MS4A1: variants seen among roughly 807,000 people sequenced by gnomAD.
The protein encoded by MS4A1 is B-lymphocyte antigen CD20.
MS4A1 carries 16 observed loss-of-function variants against 26.5 expected under a neutral mutation model. The observed-to-expected ratio is 0.60, with a 90% CI of 0.41 to 0.92. The LOEUF (loss-of-function observed/expected upper bound fraction) is 0.92. Among genes scored for constraint, MS4A1 ranks in the 40% least tolerant of loss-of-function variants. The probability of loss-of-function intolerance (pLI) is 0.00; values close to 1 mark genes in which losing one functional copy is unlikely to be tolerated. For missense variants in MS4A1, 350 were observed against 353.0 expected (o/e 0.99, Z 0.07); for synonymous variants, 128 against 117.6 (o/e 1.09, Z -0.57).
At chr11:60,465,633 TGAAGGAA>T in intron 5 of MS4A1, 1 of 374,866 alleles carries the variant, frequency 2.7e-6, no homozygotes, top group South Asian at 3.3e-5. Context: ...GCAGTGGCAG[TGAAGGAA>T]ATGCAAGGAT....
At chr11:60,463,333 AG>A (rs1218279204) in intron 4 of MS4A1, among the ~76,000 whole-genome samples, 1 of 152,210 alleles carries the variant, frequency 6.6e-6, no homozygotes, top group African/African-American at 2.4e-5. Flanking sequence ...ATTCAGAGAA[AG>A]GGGCCCTGCA....
chr11:60,466,031 GGA>G lies in MS4A1; in HGVS notation c.451_452del (p.Leu152GlufsTer4), dbSNP rs1422238785. ...NIKISHFLKM[E>X]SLNFIRAHTP... ...TTAAAATTTCCCATTTTTTAAAAATGGAGAGTCTGAATTTTATTAGAGCTCAC... is the reference window on the plus strand; with the variant it reads ...TTAAAATTTCCCATTTTTTAAAAATGGAGTCTGAATTTTATTAGAGCTCAC... On this transcript the variant is annotated frameshift_variant, in exon 6 of 8. Transcript: ENST00000345732. LOFTEE classifies it high-confidence loss of function. 1.9e-6 allele frequency: 3 copies of G among 1,613,354 alleles called. No individual in the cohort carries two copies. The highest frequency in any genetic ancestry group is 2.5e-6 in the Non-Finnish European group (3 of 1,179,534).
chr11:60,470,415 T>C lies in MS4A1; in HGVS notation c.*1947T>C, dbSNP rs199720149. On this transcript the variant is annotated 3_prime_UTR_variant, in exon 8 of 8. Transcript: ENST00000345732. ...TCTTATTTTTTCTCCTCTTCTGAAA[T>C]ATATATGAGGATTCCTCTCCAAACC... 6 of 152,060 alleles carry C rather than the reference T, an allele frequency of 3.9e-5. No individual in the cohort carries two copies. Among genetic ancestry groups the C allele is most frequent in the South Asian group, 2.1e-4 (1 of 4,826 alleles). 9.4% of individuals were successfully genotyped at this position (152,060 alleles called of 1,614,324 possible). A position where few individuals can be genotyped will look rare whatever the true frequency, so the allele number is the denominator to read the frequency against.
chr11:60,462,595 G>T (rs1190471205), intron 3 of MS4A1, 62 bp downstream of exon 3: 8 of 1,592,252 alleles, frequency 5.0e-6, no homozygotes, highest in Non-Finnish European at 6.9e-6. Context: ...AGCTGATGCG[G>T]TATAGGCCAC....
chr11:60,456,994 C>T (rs1202189466), intron 1 of MS4A1, among the ~76,000 whole-genome samples: 1 of 152,178 alleles, frequency 6.6e-6, no homozygotes, highest in Admixed American at 6.5e-5. Context: ...CTTAATGTAA[C>T]TGAGCTCATA....
Position 60,468,574 on chromosome 11 carries a change from A to C in MS4A1, c.*106A>C. 1 of 1,004,622 alleles carries C rather than the reference A, an allele frequency of 1.0e-6. No homozygotes were observed. Among genetic ancestry groups the C allele is most frequent in the Non-Finnish European group, 1.5e-6 (1 of 646,540 alleles). 62.2% of individuals were successfully genotyped at this position (1,004,622 alleles called of 1,614,324 possible). A position where few individuals can be genotyped will look rare whatever the true frequency, so the allele number is the denominator to read the frequency against. On this transcript the variant is annotated 3_prime_UTR_variant, in exon 8 of 8. Coordinates refer to ENST00000345732, the MANE Select transcript of MS4A1 (RefSeq NM_152866.3). ...GAGGTACTCTGCACATACGCACCACATCTCTATCTGGCCTTTGCATGGAGT... is the reference window on the plus strand; with the variant it reads ...GAGGTACTCTGCACATACGCACCACCTCTCTATCTGGCCTTTGCATGGAGT...
chr11:60,462,877 C>A (rs1378908041), intron 3 of MS4A1, 125 bp from the exon 4 acceptor site: 19 of 1,422,086 alleles, frequency 1.3e-5, no homozygotes, highest in Non-Finnish European at 1.8e-5. Context: ...ATTCTTGGCA[C>A]CTCCACTGCT....
At chr11:60,467,581 G>A (rs1316374336) in intron 7 of MS4A1, among the ~76,000 whole-genome samples, 1 of 151,842 alleles carries the variant, frequency 6.6e-6, no homozygotes, top group Admixed American at 6.6e-5. Flanking sequence ...CCACCTCTGT[G>A]CATCTTCTTA....
intron 7 of MS4A1, among the ~76,000 whole-genome samples, chr11:60,467,531 C>T (rs2086304392): frequency 1.3e-5 from 2 of 152,070 alleles, no homozygotes; most frequent in Non-Finnish European, 2.9e-5. Flanking sequence ...CCACCTCAGC[C>T]TCCGAAAGTG....
In MS4A1 at chr11:60,469,352, ATAACTTGTAAACAAGAAAAGG is replaced by A. The variant is rs2086324434; in HGVS notation, c.*893_*913del. 1.3e-5 allele frequency: 2 copies of A among 152,340 alleles called. No homozygotes were observed. Among genetic ancestry groups the A allele is most frequent in the South Asian group, 2.1e-4 (1 of 4,824 alleles). The allele number at this position is 152,340 out of a possible 1,614,324, so 9.4% of individuals were successfully genotyped here. On this transcript the variant is annotated 3_prime_UTR_variant, in exon 8 of 8. Transcript: ENST00000345732. ...TTTACAAGTAATTCAAAGAGGCCAAATAACTTGTAAACAAGAAAAGGTAACTTGTCAACAGTCATAACTAGT... is the reference window on the plus strand; with the variant it reads ...TTTACAAGTAATTCAAAGAGGCCAAATAACTTGTCAACAGTCATAACTAGT...
At position 60,468,719 on chromosome 11, in the gene MS4A1, T is replaced by C. The variant is rs202092127; in HGVS notation, c.*251T>C. 1 of 519,782 alleles carries C rather than the reference T, an allele frequency of 1.9e-6. No homozygotes were observed. The allele number at this position is 519,782 out of a possible 1,614,324, so 32.2% of individuals were successfully genotyped here. On this transcript the variant is annotated 3_prime_UTR_variant, in exon 8 of 8. Coordinates refer to ENST00000345732, the MANE Select transcript of MS4A1 (RefSeq NM_152866.3). ...CACTGAAGAAAGGCAGAATGAGTGC[T>C]TCAGAATGTGATTTCCTACTAACCT...
At position 60,466,123 on chromosome 11, in the gene MS4A1, C is replaced by A. The variant is rs778670251; in HGVS notation, c.539C>A (p.Thr180Asn). The A allele has an allele frequency of 2.1e-5, 34 of 1,612,600 alleles. No individual in the cohort carries two copies. The African/African-American group carries it at 4.0e-4, about 19-fold the overall frequency. The change falls in exon 6 of 8, where the codon ACC (threonine) becomes AAC (asparagine). Residue 180 changes from threonine (T) to asparagine (N), a missense_variant. By Grantham distance (65) the Thr-to-Asn change is moderately conservative. Transcript: ENST00000345732. Reference sequence around the variant, plus strand: ...CCCTCTGAGAAAAACTCCCCATCTACCCAATACTGTTACAGCATACAATCT... The same window carrying A: ...CCCTCTGAGAAAAACTCCCCATCTAACCAATACTGTTACAGCATACAATCT... Reference protein sequence around the residue: ...ANPSEKNSPSTQYCYSIQSLF... With the variant: ...ANPSEKNSPSNQYCYSIQSLF...
At position 60,462,748 on chromosome 11, in the gene MS4A1, T is replaced by G. The variant is rs35870624; in HGVS notation, c.159+215T>G. Among the ~76,000 whole-genome samples, 99 of 152,308 alleles carry G rather than the reference T, an allele frequency of 6.5e-4. 2 individuals carry two copies. In the East Asian group the frequency reaches 0.014, roughly 22 times the overall value. ...GTGATCTTATGTCACCTTTTGGTTT[T>G]GGGGCTTGTATATGCAGGGGTCCCC... is the stretch of plus-strand genomic sequence containing the variant. On this transcript the variant is annotated intron_variant, in intron 3 of 7. Coordinates refer to ENST00000345732, the MANE Select transcript of MS4A1 (RefSeq NM_152866.3).
At chr11:60,462,978 C>A in intron 3 of MS4A1, 24 bp from the exon 4 acceptor site, 1 of 1,612,532 alleles carries the variant, frequency 6.2e-7, no homozygotes, top group Non-Finnish European at 8.5e-7. Context: ...AGCTCATCCA[C>A]TGCTGCCTCT....
At chr11:60,456,894 G>A (rs1006626084) in intron 1 of MS4A1, among the ~76,000 whole-genome samples, 1 of 152,164 alleles carries the variant, frequency 6.6e-6, no homozygotes, top group South Asian at 2.1e-4. Flanking sequence ...GCTTCCCAAA[G>A]TGCTGGGATT....
At position 60,469,277 on chromosome 11, in the gene MS4A1, A is replaced by C. The variant is rs2086323879; in HGVS notation, c.*809A>C. 1 of 152,220 alleles carries C rather than the reference A, an allele frequency of 6.6e-6. No individual in the cohort carries two copies. Among genetic ancestry groups the C allele is most frequent in the African/African-American group, 2.4e-5 (1 of 41,472 alleles). The allele number at this position is 152,220 out of a possible 1,614,324, so 9.4% of individuals were successfully genotyped here. A position where few individuals can be genotyped will look rare whatever the true frequency, so the allele number is the denominator to read the frequency against. On this transcript the variant is annotated 3_prime_UTR_variant, in exon 8 of 8. Transcript: ENST00000345732. Reference sequence around the variant, plus strand: ...TTTCCAGATGACAAAGTATTTCATCAAATAACTTCATTTGATGTTCCATGA... The same window carrying C: ...TTTCCAGATGACAAAGTATTTCATCCAATAACTTCATTTGATGTTCCATGA...
intron 7 of MS4A1, 96 bp from the exon 8 acceptor site, chr11:60,468,153 TA>T: frequency 1.7e-6 from 2 of 1,170,664 alleles, no homozygotes; most frequent in Admixed American, 2.2e-5. Flanking sequence ...ATAAGTAGCA[TA>T]AAAACCAGGA....
intron 4 of MS4A1, 146 bp downstream of exon 4, chr11:60,463,267 T>A (rs1344207790): frequency 3.7e-5 from 44 of 1,183,412 alleles, no homozygotes; most frequent in Non-Finnish European, 5.3e-5. Flanking sequence ...GAAGACAGGT[T>A]GACCAAATTG....
intron 5 of MS4A1, 174 bp from the exon 6 acceptor site, chr11:60,465,745 TAG>T (rs1213828588): frequency 4.8e-6 from 3 of 620,880 alleles, no homozygotes; most frequent in Non-Finnish European, 8.7e-6. Context: ...AAGAACAGGA[TAG>T]AGACATGATT....
Sources: allele counts gnomAD v4.1 joint callset (sites outside exome capture counted in the v4.1 genomes callset), GRCh38; gene constraint gnomAD v4.1.1; transcripts MANE v1.5; gene names NCBI Gene and HGNC (gene_info 2026-07-23, HGNC 2026-07-21).